The following NDUFS5 variants were observed in gnomAD, a reference collection of about 807,000 sequenced individuals.
NDUFS5 encodes the protein NADH:ubiquinone oxidoreductase subunit S5.
In NDUFS5, 7 loss-of-function variants were observed where a neutral mutation model predicts 10.5. That is an observed-to-expected ratio of 0.66 (90% CI 0.38 to 1.25). NDUFS5 has a LOEUF of 1.25. Among genes scored for constraint, NDUFS5 ranks in the 50% most tolerant of loss-of-function variants. NDUFS5 has a pLI of 0.02. For synonymous variants in NDUFS5, 38 were observed against 44.0 expected (o/e 0.86, Z 0.54); for missense variants, 148 against 140.7 (o/e 1.05, Z -0.26).
intron 2 of NDUFS5, among the ~76,000 whole-genome samples, chr1:39,032,051 C>T (rs1225175621): frequency 6.6e-6 from 1 of 152,036 alleles, no homozygotes; most frequent in Non-Finnish European, 1.5e-5. Context: ...CCCAGCTACT[C>T]AGGAGGCTGA....
At chr1:39,027,412 G>A (rs1644157114) in intron 1 of NDUFS5, among the ~76,000 whole-genome samples, 1 of 152,026 alleles carries the variant, frequency 6.6e-6, no homozygotes, top group Non-Finnish European at 1.5e-5. Context: ...CATTTATATT[G>A]ATATTTGTGG....
intron 2 of NDUFS5, among the ~76,000 whole-genome samples, chr1:39,030,434 C>G (rs1416336329): frequency 8.0e-6 from 1 of 125,568 alleles, no homozygotes; most frequent in South Asian, 2.6e-4. Flanking sequence ...TGGCCCGGCA[C>G]AGTAGCTCAC....
At chr1:39,032,119 ACTGCACTC>A (rs137877656) in intron 2 of NDUFS5, among the ~76,000 whole-genome samples, 17,275 of 152,174 alleles carry the variant, frequency 0.11, 1,206 homozygotes, top group Non-Finnish European at 0.16. Context: ...AGATTGCGCC[ACTGCACTC>A]CATCCAGCCT....
intron 1 of NDUFS5, among the ~76,000 whole-genome samples, chr1:39,027,017 C>A (rs1423381139): frequency 6.6e-6 from 1 of 152,190 alleles, no homozygotes; most frequent in Non-Finnish European, 1.5e-5. Flanking sequence ...GTGCCTGGAA[C>A]GTAACTACTC....
At chr1:39,030,413 A>AAAAAAGAAAAT (rs1238351574) in intron 2 of NDUFS5, among the ~76,000 whole-genome samples, 21 of 145,862 alleles carry the variant, frequency 1.4e-4, no homozygotes, top group Middle Eastern at 3.6e-3. Flanking sequence ...TCAAGAAAAA[A>AAAAAAGAAAAT]AAAAAAAAGA....
At chr1:39,026,822 A>G (rs1451671441) in intron 1 of NDUFS5, among the ~76,000 whole-genome samples, 1 of 152,222 alleles carries the variant, frequency 6.6e-6, no homozygotes, top group African/African-American at 2.4e-5. Context: ...CCCAACTGGA[A>G]CACTCTGCCC....
chr1:39,034,535 T>G lies in NDUFS5; in HGVS notation c.*39T>G. ...TGATGTCTGGAGGCTGATTTTCCTG[T>G]TCTCTGTTCTCCACTGGAAAGGTTG... On this transcript the variant is annotated 3_prime_UTR_variant, in exon 3 of 3. Transcript: ENST00000372969. The G allele has an allele frequency of 1.3e-6, 2 of 1,560,014 alleles. No individual in the cohort carries two copies. The highest frequency in any genetic ancestry group is 1.8e-6 in the Non-Finnish European group (2 of 1,131,578).
chr1:39,029,775 A>G (rs1466190229), intron 2 of NDUFS5, among the ~76,000 whole-genome samples: 2 of 152,180 alleles, frequency 1.3e-5, no homozygotes, highest in African/African-American at 4.8e-5. Flanking sequence ...GGATGTTAAC[A>G]GCTTAGTGTT....
intron 2 of NDUFS5, 134 bp downstream of exon 2, chr1:39,029,074 C>G: frequency 2.6e-6 from 2 of 784,046 alleles, no homozygotes; most frequent in Non-Finnish European, 2.0e-6. Context: ...CTCACTGTAG[C>G]CTCTGCCTCC....
At chr1:39,032,510 AT>A (rs1221348961) in intron 2 of NDUFS5, among the ~76,000 whole-genome samples, 2 of 152,032 alleles carry the variant, frequency 1.3e-5, no homozygotes, top group African/African-American at 4.8e-5. Flanking sequence ...GAATATACTA[AT>A]TTTTCGTATC....
chr1:39,029,145 A>G (rs1644173229), intron 2 of NDUFS5, among the ~76,000 whole-genome samples: 1 of 151,998 alleles, frequency 6.6e-6, no homozygotes. Context: ...GGCACCTGCC[A>G]CCACGCCTGG....
At chr1:39,030,335 G>T (rs1158181457) in intron 2 of NDUFS5, among the ~76,000 whole-genome samples, 1 of 151,634 alleles carries the variant, frequency 6.6e-6, no homozygotes, top group Non-Finnish European at 1.5e-5. Context: ...AAACTGAGAG[G>T]CAGAGGTTCC....
intron 1 of NDUFS5, among the ~76,000 whole-genome samples, chr1:39,028,303 G>A (rs976670386): frequency 2.6e-5 from 4 of 151,734 alleles, no homozygotes; most frequent in Non-Finnish European, 5.9e-5. Context: ...GTGGTGGTGC[G>A]CACCTGTAGT....
chr1:39,032,834 G>A (rs1644198489), intron 2 of NDUFS5, among the ~76,000 whole-genome samples: 1 of 152,102 alleles, frequency 6.6e-6, no homozygotes, highest in African/African-American at 2.4e-5. Flanking sequence ...TATGAGGGAA[G>A]AATGTTCCAT....
At chr1:39,029,018 G>A in intron 2 of NDUFS5, 78 bp downstream of exon 2, 1 of 1,283,532 alleles carries the variant, frequency 7.8e-7, no homozygotes, top group Non-Finnish European at 1.1e-6. Flanking sequence ...TTGAGACGAA[G>A]TCTCACTCTT....
At chr1:39,031,113 G>C (rs10788904) in intron 2 of NDUFS5, among the ~76,000 whole-genome samples, 106,885 of 151,886 alleles carry the variant, frequency 0.7, 39,696 homozygotes, top group Non-Finnish European at 0.85. Context: ...CAGGTGATCT[G>C]CCTGCCTTGG....
intron 2 of NDUFS5, among the ~76,000 whole-genome samples, chr1:39,030,579 C>T (rs780521705): frequency 2.5e-4 from 38 of 151,108 alleles, no homozygotes; most frequent in Admixed American, 1.6e-3. Context: ...TAGTGGCTGG[C>T]GCCTATAGTC....
chr1:39,031,409 AG>A (rs2148083471), intron 2 of NDUFS5, among the ~76,000 whole-genome samples: 1 of 151,832 alleles, frequency 6.6e-6, no homozygotes, highest in East Asian at 1.9e-4. Context: ...CCTAGGCACA[AG>A]TCATCCTCCT....
chr1:39,033,653 C>T (rs1282003292), intron 2 of NDUFS5, among the ~76,000 whole-genome samples: 3 of 150,102 alleles, frequency 2.0e-5, no homozygotes, highest in Non-Finnish European at 4.4e-5. Flanking sequence ...AGGCGCGCGC[C>T]ACCACGCCTG....
Sources: allele counts gnomAD v4.1 joint callset (sites outside exome capture counted in the v4.1 genomes callset), GRCh38; gene constraint gnomAD v4.1.1; transcripts MANE v1.5; gene names NCBI Gene and HGNC (gene_info 2026-07-23, HGNC 2026-07-21).